NUFIP2: variants seen among roughly 807,000 people sequenced by gnomAD.
NUFIP2 encodes the protein FMR1-interacting protein NUFIP2.
NUFIP2 carries 6 observed loss-of-function variants against 56.9 expected under a neutral mutation model. The observed-to-expected ratio is 0.11, with a 90% CI of 0.06 to 0.21. The LOEUF is 0.21. NUFIP2 is among the 10% of genes least tolerant of loss of function. The pLI is 1.00. For synonymous variants in NUFIP2, 321 were observed against 298.2 expected (o/e 1.08, Z -0.79); for missense variants, 828 against 826.8 (o/e 1.00, Z -0.02).
rs1193419490 is a variant in NUFIP2 at position 29,262,732 on chromosome 17, TA to T, written c.*1806del. 1 of 89,358 alleles carries T rather than the reference TA, an allele frequency of 1.1e-5. No homozygotes were observed. Among genetic ancestry groups the T allele is most frequent in the East Asian group, 4.4e-4 (1 of 2,286 alleles). The allele number at this position is 89,358 out of a possible 1,614,324, so 5.5% of individuals were successfully genotyped here. On this transcript the variant is annotated 3_prime_UTR_variant, in exon 4 of 4. Transcript: ENST00000225388. Reference sequence around the variant, plus strand: ...TGGACTGATACAATAAGTTATTTTATATATATATATATATATTATGTATAAA... The same window carrying T: ...TGGACTGATACAATAAGTTATTTTATTATATATATATATATTATGTATAAA...
rs2068981697 is a variant in NUFIP2, at chr17:29,258,246, AC to A, written c.*6292del. On this transcript the variant is annotated 3_prime_UTR_variant, in exon 4 of 4. Transcript: ENST00000225388. ...TCCTCCACCTCATTTGGTGTTTCCC[AC>A]CCATTATTTTGGGTTCAATCACCTT... 1 of 152,134 alleles carries A rather than the reference AC, an allele frequency of 6.6e-6. No homozygotes were observed. Among genetic ancestry groups the A allele is most frequent in the South Asian group, 2.1e-4 (1 of 4,824 alleles). 9.4% of individuals were successfully genotyped at this position (152,134 alleles called of 1,614,324 possible).
At chr17:29,292,726 G>T (rs916549711) in intron 1 of NUFIP2, among the ~76,000 whole-genome samples, 1 of 149,678 alleles carries the variant, frequency 6.7e-6, no homozygotes, top group Non-Finnish European at 1.5e-5. Flanking sequence ...GCCGCACCCG[G>T]GAGCGGGAAA....
intron 2 of NUFIP2, among the ~76,000 whole-genome samples, chr17:29,273,436 T>C (rs1158052194): frequency 6.6e-6 from 1 of 152,144 alleles, no homozygotes; most frequent in African/African-American, 2.4e-5. Flanking sequence ...CCTCCCAAAG[T>C]GCTGGGACTA....
At chr17:29,275,889 G>C (rs948768971) in intron 2 of NUFIP2, among the ~76,000 whole-genome samples, 2 of 151,910 alleles carry the variant, frequency 1.3e-5, no homozygotes, top group Admixed American at 6.6e-5. Flanking sequence ...TTAGCCGGGA[G>C]TGGTGGTGCG....
Position 29,263,322 on chromosome 17 carries a change from A to C in NUFIP2, c.*1217T>G, listed in dbSNP as rs550719649. Reference sequence around the variant, plus strand: ...CCAAAGAAAATTTCCAGAATTTCACATTATTTTCCTTAAAAACCCATCTTG... The same window carrying C: ...CCAAAGAAAATTTCCAGAATTTCACCTTATTTTCCTTAAAAACCCATCTTG... On this transcript the variant is annotated 3_prime_UTR_variant, in exon 4 of 4. Coordinates refer to ENST00000225388, the MANE Select transcript of NUFIP2 (RefSeq NM_020772.3). 6.6e-6 allele frequency: 1 copy of C among 152,568 alleles called. No individual in the cohort carries two copies. The highest frequency in any genetic ancestry group is 1.5e-5 in the Non-Finnish European group (1 of 68,014). The allele number at this position is 152,568 out of a possible 1,614,324, so 9.5% of individuals were successfully genotyped here.
chr17:29,273,094 C>A (rs1451992805), intron 2 of NUFIP2, among the ~76,000 whole-genome samples: 1 of 151,774 alleles, frequency 6.6e-6, no homozygotes, highest in Non-Finnish European at 1.5e-5. Context: ...GGCTGGAGTG[C>A]AATGGTGAGA....
intron 2 of NUFIP2, among the ~76,000 whole-genome samples, chr17:29,268,321 T>C (rs1015791645): frequency 1.8e-4 from 27 of 152,280 alleles, no homozygotes; most frequent in African/African-American, 6.3e-4. Context: ...AAATAATACT[T>C]CTCATAACAG....
chr17:29,290,664 A>AAAAG (rs200345148), intron 1 of NUFIP2, among the ~76,000 whole-genome samples: 2,002 of 147,332 alleles, frequency 0.014, 20 homozygotes, highest in Middle Eastern at 0.041. Flanking sequence ...AAAAAAAAAA[A>AAAAG]AAAGAAAGAA....
At position 29,287,651 on chromosome 17, in the gene NUFIP2, C is replaced by T. The variant is rs2069186215; in HGVS notation, c.343G>A (p.Glu115Lys). The T allele has an allele frequency of 1.2e-6, 2 of 1,613,764 alleles. No individual in the cohort carries two copies. The highest frequency in any genetic ancestry group is 1.3e-5 in the African/African-American group (1 of 74,832). Residue 115 changes from glutamate (E) to lysine (K), a missense_variant, in exon 2 of 4, where the codon GAA (glutamate) becomes AAA (lysine). Transcript: ENST00000225388. ...EISLKNLSSD[E>K]ATNPISRVLN... Reference sequence around the variant, plus strand: ...ACCCTGGAAATAGGGTTGGTGGCTTCATCAGAACTCAGGTTCTTTAAAGAT... The same window carrying T: ...ACCCTGGAAATAGGGTTGGTGGCTTTATCAGAACTCAGGTTCTTTAAAGAT...
At chr17:29,272,969 C>T (rs1052629294) in intron 2 of NUFIP2, among the ~76,000 whole-genome samples, 1 of 151,762 alleles carries the variant, frequency 6.6e-6, no homozygotes, top group Admixed American at 6.6e-5. Context: ...CCTGCCTCAG[C>T]CTCCCAAATA....
At chr17:29,270,766 G>A (rs900491726) in intron 2 of NUFIP2, among the ~76,000 whole-genome samples, 1 of 151,938 alleles carries the variant, frequency 6.6e-6, no homozygotes, top group African/African-American at 2.4e-5. Context: ...GATCACTTGA[G>A]GGACCAGCCT....
intron 2 of NUFIP2, among the ~76,000 whole-genome samples, chr17:29,272,479 A>T (rs1046953202): frequency 6.6e-6 from 1 of 152,074 alleles, no homozygotes; most frequent in African/African-American, 2.4e-5. Flanking sequence ...TGACCTTGTG[A>T]TCTGCCCGCC....
At chr17:29,268,325 A>G (rs1340168045) in intron 2 of NUFIP2, among the ~76,000 whole-genome samples, 3 of 152,216 alleles carry the variant, frequency 2.0e-5, no homozygotes, top group East Asian at 1.9e-4. Context: ...AATACTTCTC[A>G]TAACAGCTCA....
In NUFIP2 at chr17:29,294,146, T is replaced by A; in HGVS notation, c.-87A>T. The A allele has an allele frequency of 1.4e-6, 2 of 1,459,446 alleles. No individual in the cohort carries two copies. Among genetic ancestry groups the A allele is most frequent in the Non-Finnish European group, 1.8e-6 (2 of 1,097,676 alleles). The allele number at this position is 1,459,446 out of a possible 1,614,324, so 90.4% of individuals were successfully genotyped here. On this transcript the variant is annotated 5_prime_UTR_variant, in exon 1 of 4. Coordinates refer to ENST00000225388, the MANE Select transcript of NUFIP2 (RefSeq NM_020772.3). ...TGCTTCTCAGGGCTCACTCAGTATA[T>A]CTGAGCGCGTCTCGCCAGCGCACTG...
intron 1 of NUFIP2, among the ~76,000 whole-genome samples, chr17:29,293,508 C>T (rs947681587): frequency 6.6e-6 from 1 of 152,114 alleles, no homozygotes; most frequent in Non-Finnish European, 1.5e-5. Flanking sequence ...GTTGGACTTG[C>T]AAGGCCGACC....
At chr17:29,281,184 G>A (rs749575243) in intron 2 of NUFIP2, among the ~76,000 whole-genome samples, 16 of 151,916 alleles carry the variant, frequency 1.1e-4, no homozygotes, top group East Asian at 1.9e-4. Context: ...AGCCGGGCAC[G>A]GTGGCTCATG....
Position 29,286,779 on chromosome 17 carries a change from C to G in NUFIP2, c.1215G>C (p.Ala405=), listed in dbSNP as rs369253818. 3.1e-6 allele frequency: 5 copies of G among 1,613,956 alleles called. No homozygotes were observed. The African/African-American group carries it at 6.7e-5, about 22-fold the overall frequency. Residue 405 remains alanine, a synonymous_variant, in exon 2 of 4, where the codon GCG becomes GCC. Coordinates refer to ENST00000225388, the MANE Select transcript of NUFIP2 (RefSeq NM_020772.3). ...AGTTGGCAGAAGTAACAGATTTCAG[C>G]GCTGACATAGGGACCTGGGATAAGC... is the stretch of plus-strand genomic sequence containing the variant. ...SSRLSQVPMS[A]LKSVTSANFS...
Position 29,267,520 on chromosome 17 carries a change from A to C in NUFIP2, c.2013T>G (p.Ser671=). ...TACCTTGCTTCTGCAAATTCCAAAT[A>C]GATTCCATTTCTGCAAAGAAAAAAA... ...AIVYHTKEME[S]IWNLQKQDPK... Residue 671 remains serine (S), a synonymous_variant, in exon 3 of 4, where the codon TCT becomes TCG. Coordinates refer to ENST00000225388, the MANE Select transcript of NUFIP2 (RefSeq NM_020772.3). 1 of 1,541,154 alleles carries C rather than the reference A, an allele frequency of 6.5e-7. No individual in the cohort carries two copies. The highest frequency in any genetic ancestry group is 8.9e-7 in the Non-Finnish European group (1 of 1,124,256).
chr17:29,265,396 G>A (rs58299451), intron 3 of NUFIP2, among the ~76,000 whole-genome samples: 18,113 of 144,648 alleles, frequency 0.13, 1,256 homozygotes, highest in East Asian at 0.3. Flanking sequence ...TCCGCCTCCC[G>A]GGTTCACGCC....
Sources: allele counts gnomAD v4.1 joint callset (sites outside exome capture counted in the v4.1 genomes callset), GRCh38; gene constraint gnomAD v4.1.1; transcripts MANE v1.5; gene names NCBI Gene and HGNC (gene_info 2026-07-23, HGNC 2026-07-21).